Variants in BAZ2B observed in about 807,000 individuals in gnomAD.
The protein encoded by BAZ2B is bromodomain adjacent to zinc finger domain 2B.
Under a neutral mutation model 246.0 loss-of-function variants are expected in BAZ2B, and 91 were observed. The ratio of observed to expected loss-of-function variants is 0.37; its 90% CI spans 0.31 to 0.44. The LOEUF (loss-of-function observed/expected upper bound fraction) is 0.44. Ranked by LOEUF, BAZ2B falls within the 20% of genes least tolerant of loss-of-function variation. BAZ2B has a pLI of 1.00. For missense variants in BAZ2B, 2,332 were observed against 2,533.7 expected (o/e 0.92, Z 1.71); for synonymous variants, 855 against 860.0 (o/e 0.99, Z 0.10).
At chr2:159,432,692 C>A in intron 9 of BAZ2B, 65 bp downstream of exon 9, 1 of 1,534,298 alleles carries the variant, frequency 6.5e-7, no homozygotes, top group East Asian at 2.3e-5. Flanking sequence ...AATTAAGAAA[C>A]CCTTTAAAAT....
At chr2:159,380,829 T>C (rs1427573137) in intron 25 of BAZ2B, among the ~76,000 whole-genome samples, 2 of 152,182 alleles carry the variant, frequency 1.3e-5, no homozygotes, top group African/African-American at 2.4e-5. Flanking sequence ...GCCTGTCCTG[T>C]GTGACTCTGC....
intron 17 of BAZ2B, among the ~76,000 whole-genome samples, chr2:159,399,154 T>TAA (rs10682140): frequency 0.92 from 139,428 of 152,182 alleles, 65,094 homozygotes; most frequent in East Asian, 1. Context: ...CAAGCTTTGT[T>TAA]AAGTCTGAAA....
At chr2:159,486,318 G>A (rs1279512677) in intron 2 of BAZ2B, among the ~76,000 whole-genome samples, 1 of 151,946 alleles carries the variant, frequency 6.6e-6, no homozygotes, top group Non-Finnish European at 1.5e-5. Context: ...ATTTAAGATA[G>A]TTCTGGAAAG....
chr2:159,546,709 C>T (rs1455643756), intron 2 of BAZ2B, among the ~76,000 whole-genome samples: 2 of 151,744 alleles, frequency 1.3e-5, no homozygotes, highest in African/African-American at 4.8e-5. Flanking sequence ...TGGCATACCA[C>T]ATGATCTAAG....
intron 1 of BAZ2B, among the ~76,000 whole-genome samples, chr2:159,597,985 T>C (rs1320786460): frequency 1.7e-5 from 2 of 119,838 alleles, no homozygotes; most frequent in East Asian, 2.4e-4. Flanking sequence ...TAAGACCACA[T>C]AGACGTATTC....
chr2:159,385,693 C>T (rs2062566929), intron 22 of BAZ2B, among the ~76,000 whole-genome samples: 1 of 152,054 alleles, frequency 6.6e-6, no homozygotes, highest in African/African-American at 2.4e-5. Context: ...CCCCAAGTTT[C>T]ATCTGGATAT....
At chr2:159,394,810 T>C (rs1272938673) in intron 20 of BAZ2B, among the ~76,000 whole-genome samples, 2 of 152,108 alleles carry the variant, frequency 1.3e-5, no homozygotes, top group Non-Finnish European at 2.9e-5. Context: ...ATGAAATGAA[T>C]CACAGAGAAG....
intron 34 of BAZ2B, among the ~76,000 whole-genome samples, chr2:159,326,446 C>T (rs1034951911): frequency 2.6e-5 from 4 of 152,030 alleles, no homozygotes; most frequent in African/African-American, 9.7e-5. Flanking sequence ...TAAAAGATAA[C>T]AGGTATTTGC....
At chr2:159,607,398 G>T (rs1208540145) in intron 1 of BAZ2B, among the ~76,000 whole-genome samples, 1 of 152,166 alleles carries the variant, frequency 6.6e-6, no homozygotes, top group African/African-American at 2.4e-5. Context: ...CAAGGAAAAG[G>T]GAGGGGTTCT....
intron 13 of BAZ2B, among the ~76,000 whole-genome samples, chr2:159,416,934 C>T (rs1297200328): frequency 2.0e-5 from 3 of 152,050 alleles, no homozygotes. Flanking sequence ...TAGTATTTTT[C>T]TCAATAAATT....
intron 33 of BAZ2B, 178 bp from the exon 34 acceptor site, chr2:159,332,864 C>T (rs541511325): frequency 5.0e-5 from 34 of 685,062 alleles, no homozygotes; most frequent in Middle Eastern, 4.3e-4. Context: ...GACCACATGA[C>T]GGGTGAGCAG....
At chr2:159,385,514 A>C in intron 22 of BAZ2B, 145 bp from the exon 23 acceptor site, 1 of 669,744 alleles carries the variant, frequency 1.5e-6, no homozygotes, top group Non-Finnish European at 2.5e-6. Flanking sequence ...GAGACACAAA[A>C]ATAGTCAATA....
intron 27 of BAZ2B, among the ~76,000 whole-genome samples, chr2:159,370,392 T>A (rs1334409781): frequency 6.8e-6 from 1 of 146,942 alleles, no homozygotes; most frequent in Non-Finnish European, 1.5e-5. Context: ...TTTTTTTTTT[T>A]TTTTTTTTGA....
At chr2:159,462,994 A>G in intron 3 of BAZ2B, 2 of 811,596 alleles carry the variant, frequency 2.5e-6, no homozygotes, top group Non-Finnish European at 4.4e-6. Context: ...CTTGGATCTA[A>G]AACTCTGCTA....
the BAZ2B span, among the ~76,000 whole-genome samples, chr2:159,708,761 T>G: frequency 0.86 from 131,138 of 151,828 alleles, 56,848 homozygotes; most frequent in Middle Eastern, 0.95. Context: ...TTTTTTTGTA[T>G]AGATGGGGCC....
intron 3 of BAZ2B, among the ~76,000 whole-genome samples, chr2:159,456,787 T>C (rs1256314679): frequency 1.3e-5 from 2 of 152,184 alleles, no homozygotes; most frequent in African/African-American, 4.8e-5. Context: ...AGAAAAAGAT[T>C]CACGTCTATA....
At chr2:159,675,557 C>T in the BAZ2B span, among the ~76,000 whole-genome samples, 6 of 152,070 alleles carry the variant, frequency 3.9e-5, no homozygotes, top group East Asian at 1.9e-4. Context: ...TACTAAAAAA[C>T]GGATCAATTA....
the BAZ2B span, among the ~76,000 whole-genome samples, chr2:159,633,381 T>C: frequency 1.3e-5 from 2 of 152,290 alleles, no homozygotes; most frequent in Non-Finnish European, 2.9e-5. Flanking sequence ...AATGACTACT[T>C]TTTCTGGGTA....
At chr2:159,468,123 G>T (rs2077315479) in intron 3 of BAZ2B, among the ~76,000 whole-genome samples, 1 of 152,172 alleles carries the variant, frequency 6.6e-6, no homozygotes, top group Non-Finnish European at 1.5e-5. Context: ...CTAGCTGGCA[G>T]AGAATGAAGA....
Sources: gnomAD v4.1 joint callset for allele counts (sites outside exome capture counted in the v4.1 genomes callset) on GRCh38, gnomAD v4.1.1 for gene constraint, MANE v1.5 for transcripts, NCBI Gene and HGNC (gene_info 2026-07-23, HGNC 2026-07-21) for gene names.